The following PARVA variants were observed in gnomAD, a reference collection of about 807,000 sequenced individuals.
PARVA encodes alpha-parvin.
Under a neutral mutation model 52.6 loss-of-function variants are expected in PARVA, and 25 were observed. The ratio of observed to expected loss-of-function variants is 0.48; its 90% CI spans 0.35 to 0.66. The LOEUF (loss-of-function observed/expected upper bound fraction) is 0.66. Among genes scored for constraint, PARVA ranks in the 30% least tolerant of loss-of-function variants. The pLI is 0.01. For missense variants in PARVA, 373 were observed against 450.9 expected, an observed-to-expected ratio of 0.83 and a Z score of 1.56; for synonymous variants, 185 against 179.1, an observed-to-expected ratio of 1.03 and a Z score of -0.26.
intron 12 of PARVA, among the ~76,000 whole-genome samples, chr11:12,522,751 A>G (rs1351503879): frequency 6.6e-6 from 1 of 151,138 alleles, no homozygotes; most frequent in Non-Finnish European, 1.5e-5. Context: ...TTATAGAATT[A>G]TAGTTGGATA....
At chr11:12,443,392 A>C (rs975888461) in intron 1 of PARVA, among the ~76,000 whole-genome samples, 4 of 134,316 alleles carry the variant, frequency 3.0e-5, no homozygotes, top group Non-Finnish European at 6.5e-5. Context: ...GGATGGTCTC[A>C]ATCTCCTGAC....
At chr11:12,452,568 A>C (rs1940637978) in intron 1 of PARVA, among the ~76,000 whole-genome samples, 1 of 152,164 alleles carries the variant, frequency 6.6e-6, no homozygotes, top group African/African-American at 2.4e-5. Context: ...CATGACCTTG[A>C]GTCTGTGAGT....
chr11:12,397,357 C>G (rs1047147063), intron 1 of PARVA, among the ~76,000 whole-genome samples: 1 of 152,196 alleles, frequency 6.6e-6, no homozygotes. Context: ...GCCACTGCAC[C>G]CAGCTTAAAT....
intron 4 of PARVA, 140 bp from the exon 5 acceptor site, chr11:12,496,318 G>A (rs1005782095): frequency 1.8e-5 from 9 of 504,536 alleles, no homozygotes; most frequent in African/African-American, 1.7e-4. Flanking sequence ...TCCCTCTGCT[G>A]GTAGGCATCC....
At chr11:12,446,309 A>G (rs756943983) in intron 1 of PARVA, among the ~76,000 whole-genome samples, 1 of 152,210 alleles carries the variant, frequency 6.6e-6, no homozygotes, top group Non-Finnish European at 1.5e-5. Flanking sequence ...AACAACTGTG[A>G]GTTACCACTC....
chr11:12,498,085 G>A (rs915767816), intron 5 of PARVA, among the ~76,000 whole-genome samples: 1 of 152,068 alleles, frequency 6.6e-6, no homozygotes, highest in African/African-American at 2.4e-5. Context: ...CCAGGCTGGA[G>A]GGCAGTGGTG....
intron 1 of PARVA, among the ~76,000 whole-genome samples, chr11:12,429,169 C>T (rs1940279222): frequency 6.6e-6 from 1 of 152,130 alleles, no homozygotes; most frequent in Admixed American, 6.5e-5. Flanking sequence ...TTGGTAGAGA[C>T]AGGGTCTCAC....
At chr11:12,381,207 G>T (rs150349270) in intron 1 of PARVA, among the ~76,000 whole-genome samples, 1 of 152,094 alleles carries the variant, frequency 6.6e-6, no homozygotes, top group Admixed American at 6.5e-5. Flanking sequence ...CTGAAGTGAT[G>T]GTTAGTAGGT....
chr11:12,419,869 G>A (rs72860939), intron 1 of PARVA, among the ~76,000 whole-genome samples: 17,311 of 152,134 alleles, frequency 0.11, 1,741 homozygotes, highest in African/African-American at 0.27. Context: ...TTCTTCTTAC[G>A]TTGTTGCTGA....
rs556439366 is a variant in PARVA at position 12,523,188 on chromosome 11, C to T, written c.1043-4661C>T. Among the ~76,000 whole-genome samples, 31 of 152,156 alleles carry T rather than the reference C, an allele frequency of 2.0e-4. No individual in the cohort carries two copies. In the South Asian group the frequency reaches 3.1e-3, roughly 15 times the overall value. On this transcript the variant is annotated intron_variant, in intron 12 of 12. Coordinates refer to ENST00000334956, the MANE Select transcript of PARVA (RefSeq NM_018222.5). ...CACCAGATAGGGCAGTAGGTCACCA[C>T]GAAAAGGAGCATCTGTACAGCATGG... is the stretch of plus-strand genomic sequence containing the variant.
intron 1 of PARVA, among the ~76,000 whole-genome samples, chr11:12,447,862 G>C (rs780819233): frequency 1.3e-4 from 20 of 152,330 alleles, no homozygotes; most frequent in South Asian, 4.1e-4. Context: ...GACCCCTGTT[G>C]AGGGCCCTGC....
At position 12,458,794 on chromosome 11, in the gene PARVA, GGA is replaced by G. The variant is rs148676538; in HGVS notation, c.137-14942_137-14941del. On this transcript the variant is annotated intron_variant, in intron 1 of 12. Transcript: ENST00000334956. ...TGCACTCTGCACAGCCTGGAAGTGT[GGA>G]GAGAGAGAACTCCCTGGGGGTAACC... Among the ~76,000 whole-genome samples the G allele has an allele frequency of 8.9e-3, 1,350 of 152,226 alleles. 24 individuals carry two copies. The highest frequency in any genetic ancestry group is 0.031 in the African/African-American group (1,277 of 41,530).
chr11:12,413,423 A>G (rs993208535), intron 1 of PARVA, among the ~76,000 whole-genome samples: 3 of 152,240 alleles, frequency 2.0e-5, no homozygotes, highest in Non-Finnish European at 4.4e-5. Context: ...AATAATAATG[A>G]CAAAAGGATG....
chr11:12,507,356 G>A lies in PARVA; in HGVS notation c.658-1228G>A, dbSNP rs1230416407. Among the ~76,000 whole-genome samples the A allele has an allele frequency of 2.6e-5, 4 of 152,132 alleles. No homozygotes were observed. In the East Asian group the frequency reaches 7.7e-4, roughly 29 times the overall value. ...AGGTGTCTGGTGCTGGTGGTGGAGGGACGTAGTAGAATGAATCTCCCTCCT... is the reference window on the plus strand; with the variant it reads ...AGGTGTCTGGTGCTGGTGGTGGAGGAACGTAGTAGAATGAATCTCCCTCCT... On this transcript the variant is annotated intron_variant, in intron 6 of 12. Transcript: ENST00000334956.
chr11:12,475,769 C>CCGGCTAGGCCGCCATGCAGCCT (rs1312318435), intron 3 of PARVA, among the ~76,000 whole-genome samples: 2 of 152,188 alleles, frequency 1.3e-5, no homozygotes, highest in Non-Finnish European at 2.9e-5. Flanking sequence ...CCATGCAGCC[C>CCGGCTAGGCCGCCATGCAGCCT]CTTGCTCCCC....
rs1016663423 is a variant in PARVA at position 12,532,054 on chromosome 11, A to G, written c.*4129A>G. On this transcript the variant is annotated 3_prime_UTR_variant, in exon 13 of 13. Transcript: ENST00000334956. ...CCCAGGCTAGCTCCAAACTCTGCTTATAGCCCATGCTTTACTACAGTGGTG... is the reference window on the plus strand; with the variant it reads ...CCCAGGCTAGCTCCAAACTCTGCTTGTAGCCCATGCTTTACTACAGTGGTG... Among the ~76,000 whole-genome samples, 7 of 152,214 alleles carry G rather than the reference A, an allele frequency of 4.6e-5. No individual in the cohort carries two copies. Among genetic ancestry groups the G allele is most frequent in the African/African-American group, 1.7e-4 (7 of 41,444 alleles).
intron 1 of PARVA, among the ~76,000 whole-genome samples, chr11:12,411,870 C>T (rs946363950): frequency 2.0e-5 from 3 of 152,148 alleles, no homozygotes; most frequent in African/African-American, 4.8e-5. Context: ...CAAGCCCTGC[C>T]CACATCACCA....
intron 1 of PARVA, among the ~76,000 whole-genome samples, chr11:12,422,075 TTGCATTTAG>T (rs1940158494): frequency 6.6e-6 from 1 of 152,248 alleles, no homozygotes; most frequent in Non-Finnish European, 1.5e-5. Flanking sequence ...TTGAAATGTT[TTGCATTTAG>T]GGTTCTTATG....
intron 5 of PARVA, among the ~76,000 whole-genome samples, chr11:12,501,921 A>G (rs896040246): frequency 2.6e-5 from 4 of 152,154 alleles, no homozygotes; most frequent in African/African-American, 9.7e-5. Context: ...TTCTAGCATT[A>G]TATTTTGCCA....
Sources: allele counts gnomAD v4.1 joint callset (sites outside exome capture counted in the v4.1 genomes callset), GRCh38; gene constraint gnomAD v4.1.1; transcripts MANE v1.5; gene names NCBI Gene and HGNC (gene_info 2026-07-23, HGNC 2026-07-21).